Variants in SMPDL3B observed in about 807,000 individuals in gnomAD.
The protein encoded by SMPDL3B is acid sphingomyelinase-like phosphodiesterase 3b.
Under a neutral mutation model 37.9 loss-of-function variants are expected in SMPDL3B, and 31 were observed. That is an observed-to-expected ratio of 0.82 (90% CI 0.61 to 1.10). SMPDL3B has a LOEUF of 1.10. SMPDL3B is among the 50% of genes least tolerant of loss of function. The pLI is 0.00. For missense variants in SMPDL3B, 525 were observed against 597.8 expected (o/e 0.88, Z 1.27); for synonymous variants, 235 against 242.6 (o/e 0.97, Z 0.29).
chr1:27,954,432 C>T lies in SMPDL3B; in HGVS notation c.596C>T (p.Thr199Ile). The T allele has an allele frequency of 6.2e-7, 1 of 1,614,108 alleles. No homozygotes were observed. The highest frequency in any genetic ancestry group is 8.5e-7 in the Non-Finnish European group (1 of 1,180,018). The change falls in exon 5 of 8, where the codon ACC becomes ATC. Residue 199 changes from threonine (T) to isoleucine (I), a missense_variant. Transcript: ENST00000373894. ...IVVLNTNLYY[T>I]SNALTADMAD... ...GTCCTCAACACCAATCTGTACTATA[C>T]CAGCAATGCGCTGACAGCAGACATG... is the stretch of plus-strand genomic sequence containing the variant.
rs537978318 is a variant in SMPDL3B at position 27,940,499 on chromosome 1, G to T, written c.62-4733G>T. 1.1e-4 allele frequency among the ~76,000 whole-genome samples: 17 copies of T among 152,078 alleles called. No individual in the cohort carries two copies. The South Asian group carries it at 3.5e-3, about 32-fold the overall frequency. ...TCACGAGGGCCCCAAGGGGTAGGGG[G>T]CGCTGTTATCTTGATTTTACAGAGG... On this transcript the variant is annotated intron_variant, in intron 1 of 7. Transcript: ENST00000373894.
intron 1 of SMPDL3B, among the ~76,000 whole-genome samples, chr1:27,936,107 T>C (rs908239311): frequency 4.6e-5 from 7 of 152,036 alleles, no homozygotes; most frequent in Admixed American, 2.0e-4. Flanking sequence ...TGGGATGTCA[T>C]TGGAGGGTTC....
intron 7 of SMPDL3B, chr1:27,956,385 C>T: frequency 7.8e-7 from 1 of 1,282,966 alleles, no homozygotes; most frequent in Non-Finnish European, 1.0e-6. Context: ...AACTAATCTC[C>T]TATAGCACCA....
intron 1 of SMPDL3B, 123 bp downstream of exon 1, chr1:27,935,367 AG>A: frequency 1.4e-6 from 1 of 724,562 alleles, no homozygotes; most frequent in Non-Finnish European, 2.4e-6. Context: ...CTAGGCAGGG[AG>A]GCAGGTGGGG....
chr1:27,955,451 A>C (rs2090491721), intron 5 of SMPDL3B, among the ~76,000 whole-genome samples: 2 of 152,186 alleles, frequency 1.3e-5, no homozygotes, highest in South Asian at 4.1e-4. Context: ...GATTTACAGA[A>C]GTGAAAAGGA....
intron 1 of SMPDL3B, among the ~76,000 whole-genome samples, chr1:27,944,914 G>A (rs779540356): frequency 1.8e-4 from 27 of 151,980 alleles, no homozygotes; most frequent in Non-Finnish European, 3.4e-4. Flanking sequence ...ACCCTCTCCC[G>A]CCTTTGCTTT....
intron 3 of SMPDL3B, among the ~76,000 whole-genome samples, chr1:27,950,329 C>A (rs910735621): frequency 6.6e-6 from 1 of 152,206 alleles, no homozygotes; most frequent in Non-Finnish European, 1.5e-5. Context: ...AGAAAAGGAA[C>A]CTGTGGCTCC....
In SMPDL3B at chr1:27,955,748, G is replaced by A. The variant is rs144208397; in HGVS notation, c.755G>A (p.Arg252Gln). 1.8e-3 allele frequency: 2,968 copies of A among 1,614,122 alleles called. 10 individuals are homozygous for A. The highest frequency in any genetic ancestry group is 6.4e-3 in the South Asian group (580 of 91,078). The part of the protein sequence containing the change: ...FEKTQNKAWF[R>Q]EGFNEKYLKV... ...AAGACGCAAAACAAGGCATGGTTCC[G>A]GGAGGGCTTCAATGAAAAATACCTG... Residue 252 changes from arginine (R) to glutamine (Q), a missense_variant, in exon 6 of 8, where the codon CGG becomes CAG. Transcript: ENST00000373894.
In SMPDL3B at chr1:27,958,743, T is replaced by A; in HGVS notation, c.1273T>A (p.Tyr425Asn). ...CAMRQVDIDA[Y>N]TTCLYASGTT... ...CATGCGCCAGGTGGACATTGACGCTTACACCACCTGTCTGTATGCCTCTGG... is the reference window on the plus strand; with the variant it reads ...CATGCGCCAGGTGGACATTGACGCTAACACCACCTGTCTGTATGCCTCTGG... Residue 425 changes from tyrosine to asparagine, a missense_variant, in exon 8 of 8, where the codon TAC (tyrosine) becomes AAC (asparagine). Physicochemically the swap from Tyr to Asn is moderately radical, Grantham distance 143. Transcript: ENST00000373894. The surrounding 1 kb of genome is among the most constrained non-coding windows in gnomAD (Gnocchi z 5.6). 1 of 1,613,650 alleles carries A rather than the reference T, an allele frequency of 6.2e-7. No individual in the cohort carries two copies. The highest frequency in any genetic ancestry group is 8.5e-7 in the Non-Finnish European group (1 of 1,179,996).
Position 27,958,333 on chromosome 1 carries a change from C to A in SMPDL3B, c.1006-143C>A. 3 of 1,133,752 alleles carry A rather than the reference C, an allele frequency of 2.6e-6. No individual in the cohort carries two copies. Among genetic ancestry groups the A allele is most frequent in the Non-Finnish European group, 3.7e-6 (3 of 801,772 alleles). 70.2% of individuals were successfully genotyped at this position (1,133,752 alleles called of 1,614,324 possible). The stretch of plus-strand genomic sequence containing the variant: ...CGATTCAGAGGATGTCTGCCAAGCA[C>A]AATGGGTGCACAGCTAAGTGCTCAA... On this transcript the variant is annotated intron_variant, in intron 7 of 7. Coordinates refer to ENST00000373894, the MANE Select transcript of SMPDL3B (RefSeq NM_014474.4). This position sits in a 1 kb window ranked among gnomAD's most constrained non-coding sequence, Gnocchi z 5.6.
chr1:27,948,654 CG>C (rs1332405817), intron 2 of SMPDL3B, among the ~76,000 whole-genome samples: 1 of 152,214 alleles, frequency 6.6e-6, no homozygotes, highest in Non-Finnish European at 1.5e-5. Flanking sequence ...TGAGCTCCCT[CG>C]GGGTTTGCAG....
Position 27,945,149 on chromosome 1 carries a change from C to T in SMPDL3B, c.62-83C>T, listed in dbSNP as rs2148675747. The T allele has an allele frequency of 4.3e-6, 6 of 1,384,022 alleles. No homozygotes were observed. The highest frequency in any genetic ancestry group is 1.4e-5 in the African/African-American group (1 of 70,628). The allele number at this position is 1,384,022 out of a possible 1,614,324, so 85.7% of individuals were successfully genotyped here. On this transcript the variant is annotated intron_variant, in intron 1 of 7. Coordinates refer to ENST00000373894, the MANE Select transcript of SMPDL3B (RefSeq NM_014474.4). The surrounding 1 kb of genome is among the most constrained non-coding windows in gnomAD (Gnocchi z 4.0). ...CATTTGCCTGTGTAACGCCCCTGCCCCAGCCCAGGGCTCCCCTGGACTTCC... is the reference window on the plus strand; with the variant it reads ...CATTTGCCTGTGTAACGCCCCTGCCTCAGCCCAGGGCTCCCCTGGACTTCC...
At chr1:27,953,392 T>TA (rs777955949) in intron 4 of SMPDL3B, 34 bp downstream of exon 4, 2 of 1,574,046 alleles carry the variant, frequency 1.3e-6, no homozygotes, top group Admixed American at 3.7e-5. Flanking sequence ...CAAGAGCACT[T>TA]ACTGTATGCC....
chr1:27,955,413 G>A (rs3813805), intron 5 of SMPDL3B, among the ~76,000 whole-genome samples: 34,871 of 152,114 alleles, frequency 0.23, 4,585 homozygotes, highest in Non-Finnish European at 0.29. Context: ...AAGCTTCATG[G>A]GGGAGGTGCT....
chr1:27,936,113 G>C (rs2090306185), intron 1 of SMPDL3B, among the ~76,000 whole-genome samples: 1 of 152,072 alleles, frequency 6.6e-6, no homozygotes, highest in Non-Finnish European at 1.5e-5. Flanking sequence ...GTCATTGGAG[G>C]GTTCTAGGCA....
intron 1 of SMPDL3B, among the ~76,000 whole-genome samples, chr1:27,935,687 TGGA>T (rs1335900133): frequency 6.6e-6 from 1 of 152,042 alleles, no homozygotes; most frequent in African/African-American, 2.4e-5. Context: ...TACGCAGCAT[TGGA>T]GGAGATGATA....
chr1:27,943,140 G>A (rs2090374728), intron 1 of SMPDL3B, among the ~76,000 whole-genome samples: 1 of 152,172 alleles, frequency 6.6e-6, no homozygotes, highest in Non-Finnish European at 1.5e-5. Flanking sequence ...CATCTTCCTG[G>A]GAGGGATTGG....
intron 1 of SMPDL3B, among the ~76,000 whole-genome samples, chr1:27,937,895 C>G (rs563190705): frequency 6.6e-6 from 1 of 152,268 alleles, no homozygotes; most frequent in South Asian, 2.1e-4. Flanking sequence ...TCAAACACAC[C>G]CAGCAGTGTG....
intron 7 of SMPDL3B, chr1:27,956,356 C>A (rs540607804): frequency 3.8e-6 from 5 of 1,332,590 alleles, no homozygotes; most frequent in African/African-American, 3.0e-5. Flanking sequence ...ATGGCCCATC[C>A]GCTACACAAG....
Sources: allele counts gnomAD v4.1 joint callset (sites outside exome capture counted in the v4.1 genomes callset), GRCh38; gene constraint gnomAD v4.1.1; non-coding constraint Gnocchi (gnomAD v3.1); transcripts MANE v1.5; gene names NCBI Gene and HGNC (gene_info 2026-07-23, HGNC 2026-07-21).